CCSER1: variants seen among roughly 807,000 people sequenced by gnomAD.
CCSER1 encodes coiled-coil serine rich protein 1, also known as serine-rich coiled-coil domain-containing protein 1.
A neutral mutation model predicts 82.0 loss-of-function variants in CCSER1; 41 were observed. That is an observed-to-expected ratio of 0.50 (90% CI 0.39 to 0.65). The LOEUF (loss-of-function observed/expected upper bound fraction) is 0.65, where lower values mean the gene tolerates loss of function less well. Ranked by LOEUF, CCSER1 falls within the 30% of genes least tolerant of loss-of-function variation. The pLI is 0.00. For missense variants in CCSER1, 1,119 were observed against 1,064.2 expected (o/e 1.05, Z -0.72); for synonymous variants, 414 against 383.9 (o/e 1.08, Z -0.92).
Position 90,309,625 on chromosome 4 carries a change from TG to T in CCSER1, c.1324+18del. 2 of 1,527,102 alleles carry T rather than the reference TG, an allele frequency of 1.3e-6. No homozygotes were observed. Among genetic ancestry groups the T allele is most frequent in the South Asian group, 2.6e-5 (2 of 77,668 alleles). The allele number at this position is 1,527,102 out of a possible 1,614,324, so 94.6% of individuals were successfully genotyped here. A position where few individuals can be genotyped will look rare whatever the true frequency, so the allele number is the denominator to read the frequency against. On this transcript the variant is annotated intron_variant, in intron 2 of 10. Transcript: ENST00000509176. ...CTGCCAAAGGTATGCTGATTTTTTT[TG>T]TATAACAAATGATATGAATTAATTT...
intron 6 of CCSER1, 57 bp from the exon 7 acceptor site, chr4:90,723,857 A>G (rs367837089): frequency 4.2e-6 from 3 of 715,806 alleles, no homozygotes; most frequent in Non-Finnish European, 6.4e-6. Flanking sequence ...TAAATTATGA[A>G]TAGTCAAAAT....
chr4:91,345,916 CAT>C (rs1464058189), intron 10 of CCSER1, among the ~76,000 whole-genome samples: 2 of 152,094 alleles, frequency 1.3e-5, no homozygotes, highest in African/African-American at 4.8e-5. Context: ...TCTAAAATGA[CAT>C]ATTGTTGAAA....
chr4:90,812,024 A>G (rs1015333191), intron 7 of CCSER1, among the ~76,000 whole-genome samples: 1 of 149,012 alleles, frequency 6.7e-6, no homozygotes, highest in South Asian at 2.1e-4. Flanking sequence ...ATTAAGTATT[A>G]ACTCACATGA....
intron 4 of CCSER1, among the ~76,000 whole-genome samples, chr4:90,446,533 A>G (rs958206587): frequency 1.3e-5 from 2 of 152,170 alleles, no homozygotes; most frequent in African/African-American, 4.8e-5. Context: ...AAGGTAGTGC[A>G]AGGAAGGAGC....
intron 10 of CCSER1, among the ~76,000 whole-genome samples, chr4:91,169,004 C>T (rs1200461093): frequency 1.3e-5 from 2 of 151,920 alleles, no homozygotes; most frequent in African/African-American, 2.4e-5. Flanking sequence ...AGGCAGCATG[C>T]TCCTTAAGAG....
chr4:90,969,278 A>G (rs1363247583), intron 9 of CCSER1, among the ~76,000 whole-genome samples: 1 of 152,070 alleles, frequency 6.6e-6, no homozygotes, highest in Non-Finnish European at 1.5e-5. Flanking sequence ...TGAGAGGGAT[A>G]TGAACATCCA....
Position 90,616,724 on chromosome 4 carries a change from CACACACACACACACAAATA to C in CCSER1, c.1725-11299_1725-11281del, listed in dbSNP as rs879658974. 7.4e-3 allele frequency among the ~76,000 whole-genome samples: 824 copies of C among 111,300 alleles called. 6 individuals are homozygous for C. The highest frequency in any genetic ancestry group is 0.031 in the Middle Eastern group (7 of 226). 73.0% of individuals were successfully genotyped at this position (111,300 alleles called of 152,430 possible). A position where few individuals can be genotyped will look rare whatever the true frequency, so the allele number is the denominator to read the frequency against. On this transcript the variant is annotated intron_variant, in intron 5 of 10. Coordinates refer to ENST00000509176, the MANE Select transcript of CCSER1 (RefSeq NM_001145065.2). ...ACACACACACACACACACACACACA[CACACACACACACACAAATA>C]AAATAAAATAAAAGGGAGAGAGAGA...
intron 8 of CCSER1, among the ~76,000 whole-genome samples, chr4:90,851,438 G>C (rs1442299871): frequency 1.4e-5 from 2 of 141,794 alleles, no homozygotes; most frequent in Non-Finnish European, 3.1e-5. Context: ...TTCTGTGACA[G>C]AGGCTGCCTG....
intron 6 of CCSER1, among the ~76,000 whole-genome samples, chr4:90,664,990 A>C (rs1391324192): frequency 6.6e-6 from 1 of 152,222 alleles, no homozygotes; most frequent in East Asian, 1.9e-4. Flanking sequence ...GTGGAAAAGT[A>C]GATGTTTGCG....
chr4:90,226,736 T>C (rs1743234001), intron 1 of CCSER1, among the ~76,000 whole-genome samples: 1 of 152,212 alleles, frequency 6.6e-6, no homozygotes, highest in African/African-American at 2.4e-5. Context: ...TTCTTGGTCT[T>C]CCTTCAAGAA....
At chr4:91,130,528 A>C (rs17018060) in intron 10 of CCSER1, among the ~76,000 whole-genome samples, 74,913 of 151,518 alleles carry the variant, frequency 0.49, 18,721 homozygotes, top group East Asian at 0.68. Flanking sequence ...TCCTCATGGT[A>C]ATCTTTTCCT....
intron 1 of CCSER1, among the ~76,000 whole-genome samples, chr4:90,269,115 C>T (rs1221505840): frequency 1.3e-5 from 2 of 152,112 alleles, no homozygotes; most frequent in African/African-American, 4.8e-5. Flanking sequence ...ACCCAACTTT[C>T]AGCATTGGAC....
At chr4:90,133,870 G>A (rs772359609) in intron 1 of CCSER1, among the ~76,000 whole-genome samples, 3 of 152,144 alleles carry the variant, frequency 2.0e-5, no homozygotes, top group Non-Finnish European at 4.4e-5. Context: ...CTGATAAATA[G>A]TGCCTAAAAG....
At chr4:91,214,333 T>C (rs1737067881) in intron 10 of CCSER1, among the ~76,000 whole-genome samples, 1 of 152,182 alleles carries the variant, frequency 6.6e-6, no homozygotes, top group Non-Finnish European at 1.5e-5. Flanking sequence ...GGTTACTTTT[T>C]GAGATATAAT....
At chr4:90,524,882 A>G (rs1773566395) in intron 5 of CCSER1, among the ~76,000 whole-genome samples, 1 of 152,042 alleles carries the variant, frequency 6.6e-6, no homozygotes, top group Non-Finnish European at 1.5e-5. Flanking sequence ...TTTTCAATCA[A>G]TCAAATTATA....
chr4:90,874,229 CA>C (rs1483337758), intron 8 of CCSER1, among the ~76,000 whole-genome samples: 1 of 152,064 alleles, frequency 6.6e-6, no homozygotes, highest in Non-Finnish European at 1.5e-5. Context: ...TTAAAAGTTA[CA>C]AAAATATTTT....
At chr4:91,536,637 A>G (rs1761309305) in intron 10 of CCSER1, among the ~76,000 whole-genome samples, 1 of 152,096 alleles carries the variant, frequency 6.6e-6, no homozygotes, top group Non-Finnish European at 1.5e-5. Flanking sequence ...GAGACTCAGC[A>G]TTCTGTCACT....
At chr4:90,754,203 A>T (rs560977213) in intron 7 of CCSER1, among the ~76,000 whole-genome samples, 3 of 152,322 alleles carry the variant, frequency 2.0e-5, no homozygotes, top group Non-Finnish European at 2.9e-5. Flanking sequence ...ATGGGCAGGG[A>T]CTTATTCATC....
At chr4:91,537,977 A>G (rs920072826) in intron 10 of CCSER1, among the ~76,000 whole-genome samples, 1 of 152,082 alleles carries the variant, frequency 6.6e-6, no homozygotes, top group Non-Finnish European at 1.5e-5. Context: ...GCATTAAATC[A>G]CAATACTGTT....
Sources: gnomAD v4.1 joint callset for allele counts (sites outside exome capture counted in the v4.1 genomes callset) on GRCh38, gnomAD v4.1.1 for gene constraint, MANE v1.5 for transcripts, NCBI Gene and HGNC (gene_info 2026-07-23, HGNC 2026-07-21) for gene names.